Variants in CENPW observed in about 807,000 individuals in gnomAD.
CENPW encodes the protein cancer-up-regulated gene 2 protein.
In CENPW, 3 loss-of-function variants were observed where a neutral mutation model predicts 11.1. The observed-to-expected ratio is 0.27, with a 90% CI of 0.12 to 0.70. CENPW has a LOEUF of 0.70. Among genes scored for constraint, CENPW ranks in the 30% least tolerant of loss-of-function variants. The pLI, the probability that CENPW is intolerant of heterozygous loss-of-function variation, is 0.77. For missense variants in CENPW, 100 were observed against 105.6 expected (o/e 0.95, Z 0.23); for synonymous variants, 38 against 42.0 (o/e 0.91, Z 0.37).
the CENPW span, among the ~76,000 whole-genome samples, chr6:126,477,047 G>T: frequency 6.6e-6 from 1 of 151,926 alleles, no homozygotes; most frequent in Admixed American, 6.6e-5. Flanking sequence ...AAAAGCTGAA[G>T]AAATTAATAT....
At chr6:126,403,867 A>G in the CENPW span, among the ~76,000 whole-genome samples, 1 of 152,238 alleles carries the variant, frequency 6.6e-6, no homozygotes, top group South Asian at 2.1e-4. Context: ...CATTGGAAGA[A>G]GATGCCATCT....
At chr6:126,361,644 T>C in the CENPW span, among the ~76,000 whole-genome samples, 3 of 152,172 alleles carry the variant, frequency 2.0e-5, no homozygotes, top group Non-Finnish European at 4.4e-5. Context: ...GGCAGAGAGA[T>C]GACACCCTCA....
the CENPW span, among the ~76,000 whole-genome samples, chr6:126,435,430 A>G: frequency 6.6e-6 from 1 of 151,684 alleles, no homozygotes; most frequent in South Asian, 2.1e-4. Context: ...TGATTGATAT[A>G]TCTTTTGTTT....
the CENPW span, among the ~76,000 whole-genome samples, chr6:126,464,466 A>C: frequency 6.6e-6 from 1 of 152,132 alleles, no homozygotes; most frequent in African/African-American, 2.4e-5. Flanking sequence ...CCCACCCTCA[A>C]TCTGGGTGGG....
the CENPW span, among the ~76,000 whole-genome samples, chr6:126,383,809 CTAGACAGT>C: frequency 1.2e-4 from 18 of 152,068 alleles, no homozygotes; most frequent in Non-Finnish European, 1.8e-4. Flanking sequence ...ACTTAGACTC[CTAGACAGT>C]AATACTGGGA....
rs75743838 is a variant in CENPW, at chr6:126,346,916, C to G, written c.240+598C>G. 6.9e-3 allele frequency among the ~76,000 whole-genome samples: 1,048 copies of G among 152,088 alleles called. 10 individuals carry two copies. The highest frequency in any genetic ancestry group is 0.023 in the African/African-American group (938 of 41,478). The stretch of plus-strand genomic sequence containing the variant: ...TGTGCCAAGATCGCACCATTGCACT[C>G]TAGCCTGGGCAACAAGTGCGAAACT... On this transcript the variant is annotated intron_variant, in intron 2 of 2. Coordinates refer to ENST00000368328, the MANE Select transcript of CENPW (RefSeq NM_001012507.4).
the CENPW span, among the ~76,000 whole-genome samples, chr6:126,390,840 A>T: frequency 6.6e-6 from 1 of 152,008 alleles, no homozygotes; most frequent in Non-Finnish European, 1.5e-5. Context: ...TCTATTGTGT[A>T]TATGTACCAC....
Position 126,340,207 on chromosome 6 carries a change from C to A in CENPW, c.-67C>A, listed in dbSNP as rs971339104. 1.4e-6 allele frequency: 2 copies of A among 1,481,066 alleles called. No individual in the cohort carries two copies. Among genetic ancestry groups the A allele is most frequent in the Non-Finnish European group, 1.9e-6 (2 of 1,066,870 alleles). The allele number at this position is 1,481,066 out of a possible 1,614,324, so 91.7% of individuals were successfully genotyped here. On this transcript the variant is annotated 5_prime_UTR_variant, in exon 1 of 3. Coordinates refer to ENST00000368328, the MANE Select transcript of CENPW (RefSeq NM_001012507.4). ...CGGATTGTTTTCGCTGGCCCAGTGT[C>A]CCCGGAGCTTGTGTGCGATACAGAG...
rs957649825 is a variant in CENPW at position 126,348,601 on chromosome 6, A to G, written c.*109A>G. On this transcript the variant is annotated 3_prime_UTR_variant, in exon 3 of 3. Transcript: ENST00000368328. ...AATATGGGATTATTAAATATTGGCT[A>G]TAAGTGATGTGTGTGTTTGTATTTT... 4.4e-6 allele frequency: 3 copies of G among 679,202 alleles called. No individual in the cohort carries two copies. Among genetic ancestry groups the G allele is most frequent in the Admixed American group, 2.5e-5 (1 of 39,672 alleles). The allele number at this position is 679,202 out of a possible 1,614,324, so 42.1% of individuals were successfully genotyped here.
chr6:126,381,498 A>G, the CENPW span, among the ~76,000 whole-genome samples: 1 of 152,124 alleles, frequency 6.6e-6, no homozygotes, highest in Admixed American at 6.5e-5. Flanking sequence ...CTGAACATCC[A>G]CTGTCAAGAC....
chr6:126,352,765 T>G (rs1780505832), downstream of CENPW, among the ~76,000 whole-genome samples: 1 of 152,140 alleles, frequency 6.6e-6, no homozygotes, highest in African/African-American at 2.4e-5. Flanking sequence ...TCCATTTACA[T>G]TTAATGTAAT....
the CENPW span, among the ~76,000 whole-genome samples, chr6:126,379,514 T>C: frequency 1.3e-5 from 2 of 152,148 alleles, no homozygotes; most frequent in East Asian, 3.8e-4. Flanking sequence ...AATTTAATGC[T>C]CTTAATTTTT....
chr6:126,378,807 A>G, the CENPW span, among the ~76,000 whole-genome samples: 1 of 152,202 alleles, frequency 6.6e-6, no homozygotes, highest in Non-Finnish European at 1.5e-5. Flanking sequence ...CACTCTTTAG[A>G]GAAAAAGGAA....
chr6:126,379,404 A>G, the CENPW span, among the ~76,000 whole-genome samples: 1 of 152,202 alleles, frequency 6.6e-6, no homozygotes, highest in Non-Finnish European at 1.5e-5. Flanking sequence ...ACACTAGAGG[A>G]AATCTTACTA....
the CENPW span, among the ~76,000 whole-genome samples, chr6:126,362,394 T>C: frequency 6.6e-6 from 1 of 152,258 alleles, no homozygotes; most frequent in South Asian, 2.1e-4. Flanking sequence ...TGTAGTGAGA[T>C]TGAGCTGTCC....
the CENPW span, among the ~76,000 whole-genome samples, chr6:126,386,568 TCA>T: frequency 6.6e-6 from 1 of 152,110 alleles, no homozygotes; most frequent in Non-Finnish European, 1.5e-5. Context: ...GGTTTGTGTT[TCA>T]CAGATTGGCA....
chr6:126,412,818 T>C, the CENPW span, among the ~76,000 whole-genome samples: 1 of 152,268 alleles, frequency 6.6e-6, no homozygotes, highest in African/African-American at 2.4e-5. Flanking sequence ...AAGTTCTCTT[T>C]TCTGCCTCTT....
the CENPW span, among the ~76,000 whole-genome samples, chr6:126,391,363 G>C: frequency 2.0e-5 from 3 of 151,856 alleles, no homozygotes; most frequent in South Asian, 2.1e-4. Flanking sequence ...ATATATTCTG[G>C]TTATTAACGC....
chr6:126,438,510 G>A, the CENPW span, among the ~76,000 whole-genome samples: 1 of 151,610 alleles, frequency 6.6e-6, no homozygotes, highest in South Asian at 2.1e-4. Flanking sequence ...TTAACAATTA[G>A]CAGCAGTGCC....
Sources: allele counts gnomAD v4.1 joint callset (sites outside exome capture counted in the v4.1 genomes callset), GRCh38; gene constraint gnomAD v4.1.1; transcripts MANE v1.5; gene names NCBI Gene and HGNC (gene_info 2026-07-23, HGNC 2026-07-21).